Variants in MTCH1 observed in about 807,000 individuals in gnomAD.
MTCH1 encodes mitochondrial carrier homolog 1.
Under a neutral mutation model 49.3 loss-of-function variants are expected in MTCH1, and 23 were observed. The ratio of observed to expected loss-of-function variants is 0.47; its 90% CI spans 0.34 to 0.66. The LOEUF is 0.66. Ranked by LOEUF, MTCH1 falls within the 30% of genes least tolerant of loss-of-function variation. MTCH1 has a pLI of 0.01. For synonymous variants in MTCH1, 229 were observed against 215.2 expected (o/e 1.06, Z -0.56); for missense variants, 397 against 532.1 (o/e 0.75, Z 2.50).
intron 9 of MTCH1, 40 bp downstream of exon 9, chr6:36,970,607 C>T (rs1033849267): frequency 4.3e-6 from 7 of 1,613,656 alleles, no homozygotes; most frequent in East Asian, 2.2e-5. Context: ...CGCTTGGGTC[C>T]GCAAGGCAGT....
intron 1 of MTCH1, among the ~76,000 whole-genome samples, chr6:36,983,926 C>T (rs1300419011): frequency 6.6e-6 from 1 of 152,184 alleles, no homozygotes; most frequent in African/African-American, 2.4e-5. Context: ...CACCTCTGGT[C>T]CTTCAACAGG....
intron 11 of MTCH1, chr6:36,969,212 G>C: frequency 1.0e-6 from 1 of 985,434 alleles, no homozygotes; most frequent in South Asian, 4.7e-5. Context: ...GCCCTAGAGA[G>C]GAGGCTCATT....
At chr6:36,971,869 C>T (rs1413598226) in intron 8 of MTCH1, among the ~76,000 whole-genome samples, 2 of 152,146 alleles carry the variant, frequency 1.3e-5, no homozygotes, top group East Asian at 1.9e-4. Flanking sequence ...TCCCAGCCAT[C>T]GCTGCTCCCT....
In MTCH1 at chr6:36,978,070, AC is replaced by A. The variant is rs1156876529; in HGVS notation, c.591+7del. On this transcript the variant is annotated splice_region_variant and intron_variant, in intron 4 of 11. Coordinates refer to ENST00000373627, the MANE Select transcript of MTCH1 (RefSeq NM_001271641.2). ...CGCACCTCTCCCTCTCCAACTCTCA[AC>A]ACCCACCTCCTTCACAACTTTCTTC... is the stretch of plus-strand genomic sequence containing the variant. 1 of 1,608,034 alleles carries A rather than the reference AC, an allele frequency of 6.2e-7. No homozygotes were observed. Among genetic ancestry groups the A allele is most frequent in the African/African-American group, 1.3e-5 (1 of 74,730 alleles).
rs1235829417 is a variant in MTCH1, at chr6:36,982,459, A to G, written c.322-787T>C. On this transcript the variant is annotated intron_variant, in intron 1 of 11. Transcript: ENST00000373627. This position sits in a 1 kb window ranked among gnomAD's most constrained non-coding sequence, Gnocchi z 4.1. The stretch of plus-strand genomic sequence containing the variant: ...AATGGCGTGCTCTCAGCTCACCGCA[A>G]CCTCCACCTCCTCCACCTCCCGGGT... Among the ~76,000 whole-genome samples, 5 of 151,354 alleles carry G rather than the reference A, an allele frequency of 3.3e-5. No homozygotes were observed. The East Asian group carries it at 9.7e-4, about 29-fold the overall frequency.
At chr6:36,981,872 T>C (rs577262341) in intron 1 of MTCH1, among the ~76,000 whole-genome samples, 200 bp from the exon 2 acceptor site, 26 of 152,238 alleles carry the variant, frequency 1.7e-4, no homozygotes, top group Non-Finnish European at 3.4e-4. Context: ...AAACTCCCAA[T>C]CAACAGAAAT....
At chr6:36,978,004 C>A in intron 4 of MTCH1, 74 bp downstream of exon 4, 2 of 1,345,426 alleles carry the variant, frequency 1.5e-6, no homozygotes, top group South Asian at 1.2e-5. Flanking sequence ...TGTCAATGAC[C>A]CGCCCAACTT....
intron 1 of MTCH1, 149 bp from the exon 2 acceptor site, chr6:36,981,821 A>C: frequency 2.9e-6 from 2 of 680,668 alleles, no homozygotes; most frequent in Non-Finnish European, 4.8e-6. Context: ...ATCAAAGCAT[A>C]CCAGAAAGCT....
intron 11 of MTCH1, 66 bp downstream of exon 11, chr6:36,969,973 A>G (rs1763617426): frequency 1.3e-6 from 2 of 1,592,608 alleles, no homozygotes; most frequent in East Asian, 2.3e-5. Flanking sequence ...AGCATCCACA[A>G]AACCATTTCA....
At chr6:36,975,254 G>A (rs1306701532) in intron 7 of MTCH1, among the ~76,000 whole-genome samples, 1 of 152,250 alleles carries the variant, frequency 6.6e-6, no homozygotes, top group Non-Finnish European at 1.5e-5. Flanking sequence ...ATGTCAAACA[G>A]AATCCACTGG....
rs78998128 is a variant in MTCH1 at position 36,982,838 on chromosome 6, T to C, written c.322-1166A>G. Among the ~76,000 whole-genome samples, 21,992 of 152,220 alleles carry C rather than the reference T, an allele frequency of 0.14. 1,808 individuals are homozygous for C. The highest frequency in any genetic ancestry group is 0.21 in the Admixed American group (3,246 of 15,302). On this transcript the variant is annotated intron_variant, in intron 1 of 11. Transcript: ENST00000373627. This position sits in a 1 kb window ranked among gnomAD's most constrained non-coding sequence, Gnocchi z 4.1. ...GCACCTAGGTGGGGAGTGAGAAGGC[T>C]CCTTCCTCCCTTGGCAAGGGGCCAG... is the stretch of plus-strand genomic sequence containing the variant.
intron 8 of MTCH1, among the ~76,000 whole-genome samples, chr6:36,971,273 T>C (rs1162515978): frequency 2.0e-5 from 3 of 152,304 alleles, no homozygotes; most frequent in East Asian, 3.9e-4. Context: ...AGATGTCTGC[T>C]TGAGTGGCTT....
At chr6:36,986,352 G>A (rs1238159503), upstream of MTCH1, 3 of 490,542 alleles carry the variant, frequency 6.1e-6, no homozygotes, top group East Asian at 8.1e-5. Flanking sequence ...CAGGACACTG[G>A]GCTGCGGGCC....
chr6:36,983,105 T>C (rs1202879475), intron 1 of MTCH1, among the ~76,000 whole-genome samples: 1 of 152,230 alleles, frequency 6.6e-6, no homozygotes, highest in Non-Finnish European at 1.5e-5. Flanking sequence ...ATGGATCTGA[T>C]TCTGAGATGC....
At position 36,977,600 on chromosome 6, in the gene MTCH1, T is replaced by A. The variant is rs1433283243; in HGVS notation, c.649+34A>T. ...TCACCCCACGCCCCCGACGCCAGCT[T>A]AGATACAGTCTCGGGGGAAGGGGGG... On this transcript the variant is annotated intron_variant, in intron 5 of 11. Coordinates refer to ENST00000373627, the MANE Select transcript of MTCH1 (RefSeq NM_001271641.2). The surrounding 1 kb of genome is among the most constrained non-coding windows in gnomAD (Gnocchi z 5.4). The A allele has an allele frequency of 6.6e-7, 1 of 1,516,056 alleles. No homozygotes were observed. The allele number at this position is 1,516,056 out of a possible 1,614,324, so 93.9% of individuals were successfully genotyped here.
Position 36,970,655 on chromosome 6 carries a change from C to A in MTCH1, c.946G>T (p.Val316Leu). 2 of 1,614,212 alleles carry A rather than the reference C, an allele frequency of 1.2e-6. No homozygotes were observed. Among genetic ancestry groups the A allele is most frequent in the Non-Finnish European group, 1.7e-6 (2 of 1,180,040 alleles). Residue 316 changes from valine (V) to leucine (L), a missense_variant, in exon 9 of 12, where the codon GTG becomes TTG. Val to Leu is a conservative substitution (Grantham distance 32). Around this residue, in one of 2 missense-constraint regions of MTCH1, gnomAD observed 252 missense variants for 388.3 expected, o/e 0.65. Transcript: ENST00000373627. ...CAGCTGGCACAACTTACCCCCATCA[C>A]GAACTTGGTATAGCTCCGGATGGCC... is the stretch of plus-strand genomic sequence containing the variant. Reference protein sequence around the residue: ...ALAIRSYTKFVMGIAVSMLTY... With the variant: ...ALAIRSYTKFLMGIAVSMLTY...
chr6:36,975,701 T>A lies in MTCH1; in HGVS notation c.718A>T (p.Ile240Phe), dbSNP rs1368682737. ...CCTTCCTCTTTGAAAATCTTCCCAATGGAGCTCAGCACACCACTGTGAAGA... is the reference window on the plus strand; with the variant it reads ...CCTTCCTCTTTGAAAATCTTCCCAAAGGAGCTCAGCACACCACTGTGAAGA... ...EAKYSGVLSS[I>F]GKIFKEEGLL... The change falls in exon 7 of 12, where the codon ATT becomes TTT. Residue 240 changes from isoleucine to phenylalanine, a missense_variant. Physicochemically the swap from Ile to Phe is conservative, Grantham distance 21. Around this residue, in one of 2 missense-constraint regions of MTCH1, gnomAD observed 252 missense variants for 388.3 expected, o/e 0.65. Coordinates refer to ENST00000373627, the MANE Select transcript of MTCH1 (RefSeq NM_001271641.2). 1.2e-6 allele frequency: 2 copies of A among 1,613,912 alleles called. No individual in the cohort carries two copies. Among genetic ancestry groups the A allele is most frequent in the Admixed American group, 1.7e-5 (1 of 59,988 alleles).
chr6:36,969,969 C>T (rs1208154360), intron 11 of MTCH1, 70 bp downstream of exon 11: 2 of 1,588,216 alleles, frequency 1.3e-6, no homozygotes, highest in African/African-American at 2.7e-5. Context: ...ATGAAGCATC[C>T]ACAAAACCAT....
At chr6:36,985,325 C>T (rs1159081299) in intron 1 of MTCH1, among the ~76,000 whole-genome samples, 2 of 152,076 alleles carry the variant, frequency 1.3e-5, no homozygotes, top group Non-Finnish European at 2.9e-5. Flanking sequence ...CACCCCAAGA[C>T]GTTTTAAATC....
Sources: allele counts gnomAD v4.1 joint callset (sites outside exome capture counted in the v4.1 genomes callset), GRCh38; gene constraint gnomAD v4.1.1; regional missense constraint gnomAD v4.1.1; non-coding constraint Gnocchi (gnomAD v3.1); transcripts MANE v1.5; gene names NCBI Gene and HGNC (gene_info 2026-07-23, HGNC 2026-07-21).